Variants in ANXA4 observed in about 807,000 individuals in gnomAD.
ANXA4 encodes the protein 35-beta calcimedin.
In ANXA4, 39 loss-of-function variants were observed where a neutral mutation model predicts 49.8. That is an observed-to-expected ratio of 0.78 (90% CI 0.61 to 1.02). The LOEUF (loss-of-function observed/expected upper bound fraction) is 1.02, where lower values mean the gene tolerates loss of function less well. Ranked by LOEUF, ANXA4 falls within the 50% of genes least tolerant of loss-of-function variation. The pLI is 0.00. For missense variants in ANXA4, 360 were observed against 410.1 expected (o/e 0.88, Z 1.05); for synonymous variants, 134 against 152.5 (o/e 0.88, Z 0.89).
intron 2 of ANXA4, among the ~76,000 whole-genome samples, chr2:69,700,928 A>G (rs1252521427): frequency 6.6e-6 from 1 of 152,170 alleles, no homozygotes; most frequent in Non-Finnish European, 1.5e-5. Flanking sequence ...GCTGGAGTGC[A>G]GTGGTGTGAT....
At chr2:69,779,740 C>T (rs1487700092) in intron 1 of ANXA4, among the ~76,000 whole-genome samples, 3 of 152,220 alleles carry the variant, frequency 2.0e-5, no homozygotes, top group East Asian at 1.9e-4. Context: ...CTCAGCCGGC[C>T]GTGCAAGGCC....
intron 2 of ANXA4, among the ~76,000 whole-genome samples, chr2:69,673,162 C>A (rs1263105709): frequency 1.3e-5 from 2 of 152,036 alleles, no homozygotes; most frequent in Non-Finnish European, 2.9e-5. Context: ...ATCCCATATA[C>A]CCGAAGGATT....
chr2:69,704,689 T>C (rs2105395300), intron 2 of ANXA4, among the ~76,000 whole-genome samples: 1 of 152,284 alleles, frequency 6.6e-6, no homozygotes, highest in East Asian at 1.9e-4. Context: ...ACAAACAGTT[T>C]TCAAGTTTCT....
intron 2 of ANXA4, among the ~76,000 whole-genome samples, chr2:69,665,944 C>T (rs1391837355): frequency 6.6e-6 from 1 of 152,198 alleles, no homozygotes; most frequent in Non-Finnish European, 1.5e-5. Context: ...GTGGCTCACA[C>T]CTATAATCCC....
intron 3 of ANXA4, among the ~76,000 whole-genome samples, chr2:69,794,924 T>C (rs1294749365): frequency 6.6e-6 from 1 of 152,090 alleles, no homozygotes; most frequent in Non-Finnish European, 1.5e-5. Context: ...GTTTACAAAA[T>C]CCAGTAATGC....
At chr2:69,714,776 A>C (rs1224955725) in intron 2 of ANXA4, among the ~76,000 whole-genome samples, 2 of 152,226 alleles carry the variant, frequency 1.3e-5, no homozygotes, top group African/African-American at 4.8e-5. Flanking sequence ...GACGTTGGGC[A>C]GGTCTAGGTT....
intron 2 of ANXA4, among the ~76,000 whole-genome samples, chr2:69,654,034 C>A (rs892338927): frequency 6.6e-6 from 1 of 152,058 alleles, no homozygotes; most frequent in Admixed American, 6.6e-5. Flanking sequence ...GTATTTTATT[C>A]TCTTAGTAGC....
At chr2:69,754,363 AG>A (rs1202246627) in intron 1 of ANXA4, among the ~76,000 whole-genome samples, 2 of 152,338 alleles carry the variant, frequency 1.3e-5, no homozygotes, top group East Asian at 3.9e-4. Flanking sequence ...CTATAGAACC[AG>A]GGTTCTCAAA....
chr2:69,762,927 G>A (rs925751213), intron 1 of ANXA4, among the ~76,000 whole-genome samples: 16 of 152,048 alleles, frequency 1.1e-4, no homozygotes, highest in African/African-American at 1.9e-4. Flanking sequence ...TCCATCTGCC[G>A]TAAGTCCGTT....
intron 3 of ANXA4, among the ~76,000 whole-genome samples, chr2:69,794,002 T>A (rs983533881): frequency 6.6e-6 from 1 of 152,256 alleles, no homozygotes. Context: ...TCCTTTTTCA[T>A]TAATTAAAAC....
rs759539351 is a variant in ANXA4 at position 69,806,484 on chromosome 2, C to T, written c.292C>T (p.Arg98Ter). ...GGTGCTGTATGACGTGCAAGAGCTG[C>T]GAAGGGCCATGAAGGTCTGTGCTCT... ...PTVLYDVQEL[R>*]RAMKGAGTDE... The change falls in exon 5 of 13, where the codon CGA becomes TGA. Residue 98 changes from arginine to a stop codon, truncating the protein, a stop_gained. Transcript: ENST00000394295. LOFTEE classifies it high-confidence loss of function. 46 of 1,613,712 alleles carry T rather than the reference C, an allele frequency of 2.9e-5. No homozygotes were observed. Among genetic ancestry groups the T allele is most frequent in the Admixed American group, 8.3e-5 (5 of 59,998 alleles).
chr2:69,689,068 T>C (rs996159481), intron 2 of ANXA4, among the ~76,000 whole-genome samples: 3 of 152,160 alleles, frequency 2.0e-5, no homozygotes, highest in Non-Finnish European at 2.9e-5. Flanking sequence ...GAAAATATAT[T>C]GTGGTTCATA....
At chr2:69,818,779 T>C in intron 10 of ANXA4, 85 bp downstream of exon 10, 2 of 840,730 alleles carry the variant, frequency 2.4e-6, no homozygotes, top group South Asian at 3.6e-5. Context: ...TATAGAATTA[T>C]TTTTAGAGAT....
chr2:69,745,742 G>A (rs960008033), intron 1 of ANXA4, among the ~76,000 whole-genome samples: 16 of 152,000 alleles, frequency 1.1e-4, no homozygotes, highest in African/African-American at 2.9e-4. Flanking sequence ...TATTGGCCAG[G>A]CTGGTCTCGA....
chr2:69,657,750 C>T (rs1024424453), intron 2 of ANXA4, among the ~76,000 whole-genome samples: 5 of 152,020 alleles, frequency 3.3e-5, no homozygotes, highest in African/African-American at 1.2e-4. Flanking sequence ...TACTTATTAA[C>T]TTTATACAAT....
intron 8 of ANXA4, among the ~76,000 whole-genome samples, chr2:69,814,066 A>C (rs996124911): frequency 1.3e-5 from 2 of 151,836 alleles, no homozygotes; most frequent in African/African-American, 4.8e-5. Flanking sequence ...CCATAGACCC[A>C]GTATTCTTAA....
intron 3 of ANXA4, among the ~76,000 whole-genome samples, chr2:69,789,793 T>C (rs1169630264): frequency 1.3e-5 from 2 of 152,156 alleles, no homozygotes; most frequent in Non-Finnish European, 2.9e-5. Context: ...TCTGACCACA[T>C]AGATGGACTC....
chr2:69,789,399 T>G (rs549366090), intron 3 of ANXA4, among the ~76,000 whole-genome samples: 36 of 152,226 alleles, frequency 2.4e-4, no homozygotes, highest in African/African-American at 8.7e-4. Context: ...GCTGTGGTGA[T>G]AGACACAGCT....
At chr2:69,757,266 ATT>A (rs1177266386) in intron 1 of ANXA4, among the ~76,000 whole-genome samples, 189 of 27,492 alleles carry the variant, frequency 6.9e-3, no homozygotes, top group African/African-American at 0.022. Context: ...ATATATATAT[ATT>A]TTTTTTTTTT....
Sources: allele counts gnomAD v4.1 joint callset (sites outside exome capture counted in the v4.1 genomes callset), GRCh38; gene constraint gnomAD v4.1.1; transcripts MANE v1.5; gene names NCBI Gene and HGNC (gene_info 2026-07-23, HGNC 2026-07-21).